Variants in FLNB observed in about 807,000 individuals in gnomAD.
The protein encoded by FLNB is filamin-B.
In FLNB, 111 loss-of-function variants were observed where a neutral mutation model predicts 250.6. The observed-to-expected ratio is 0.44, with a 90% CI of 0.38 to 0.52. FLNB has a LOEUF of 0.52. Ranked by LOEUF, FLNB falls within the 20% of genes least tolerant of loss-of-function variation. The pLI is 0.00. For missense variants in FLNB, 2,869 were observed against 3,447.8 expected, an observed-to-expected ratio of 0.83 and a Z score of 4.20; for synonymous variants, 1,302 against 1,372.1, an observed-to-expected ratio of 0.95 and a Z score of 1.13.
At position 58,108,463 on chromosome 3, in the gene FLNB, A is replaced by C. The variant is rs754014794; in HGVS notation, c.1947A>C (p.Arg649=). ...ATGGYNPDLV[R]AYGPGLEKSG... Reference sequence around the variant, plus strand: ...ACTATCTGCCTTTGCTTCAGGTTCGAGCATACGGGCCAGGTTTGGAGAAAT... The same window carrying C: ...ACTATCTGCCTTTGCTTCAGGTTCGCGCATACGGGCCAGGTTTGGAGAAAT... Residue 649 remains arginine (R), a synonymous_variant, in exon 13 of 46, where the codon CGA becomes CGC. Transcript: ENST00000295956. The C allele has an allele frequency of 1.2e-6, 2 of 1,611,188 alleles. No homozygotes were observed. Among genetic ancestry groups the C allele is most frequent in the Non-Finnish European group, 8.5e-7 (1 of 1,177,500 alleles).
Position 58,109,918 on chromosome 3 carries a change from T to C in FLNB, c.2324-92T>C, listed in dbSNP as rs867194959. On this transcript the variant is annotated intron_variant, in intron 15 of 45. Transcript: ENST00000295956. ...AGGTTTCTTACTAGAAACTTCCCAA[T>C]TGCTTTTTGAGGGTGTTAACCTGAG... 5.2e-5 allele frequency: 80 copies of C among 1,532,608 alleles called. 1 individual carries two copies. In the Middle Eastern group the frequency reaches 1.6e-3, roughly 31 times the overall value. The allele number at this position is 1,532,608 out of a possible 1,614,324, so 94.9% of individuals were successfully genotyped here.
chr3:58,113,241 A>C (rs1002714257), intron 18 of FLNB, among the ~76,000 whole-genome samples: 2 of 152,188 alleles, frequency 1.3e-5, no homozygotes, highest in Non-Finnish European at 2.9e-5. Context: ...GGGTCTGGAG[A>C]GCAGACATCC....
chr3:58,137,131 TAAG>T (rs138230624), intron 28 of FLNB, among the ~76,000 whole-genome samples: 3,299 of 152,328 alleles, frequency 0.022, 117 homozygotes, highest in African/African-American at 0.075. Flanking sequence ...TCTTTTTAAA[TAAG>T]AAGACTAAAC....
intron 1 of FLNB, among the ~76,000 whole-genome samples, chr3:58,012,476 G>C (rs1207980186): frequency 6.6e-6 from 1 of 152,172 alleles, no homozygotes; most frequent in Non-Finnish European, 1.5e-5. Context: ...TCCAGTTTCA[G>C]AGATGAGTAA....
At chr3:58,099,483 G>GGTAC (rs1346265793) in intron 8 of FLNB, among the ~76,000 whole-genome samples, 1 of 152,114 alleles carries the variant, frequency 6.6e-6, no homozygotes, top group Admixed American at 6.5e-5. Context: ...TGGCGCTGGG[G>GGTAC]GTACGCATTT....
intron 1 of FLNB, among the ~76,000 whole-genome samples, chr3:58,047,426 G>A (rs1428454019): frequency 6.6e-6 from 1 of 151,920 alleles, no homozygotes; most frequent in Non-Finnish European, 1.5e-5. Context: ...GTCCAGGCTG[G>A]TCTGGAAACC....
chr3:58,099,033 G>C, intron 8 of FLNB, 125 bp downstream of exon 8: 1 of 802,638 alleles, frequency 1.2e-6, no homozygotes, highest in Non-Finnish European at 2.2e-6. Context: ...TTCTGCCAGG[G>C]CTACTTCAGC....
At position 58,111,800 on chromosome 3, in the gene FLNB, G is replaced by A. The variant is rs114804033; in HGVS notation, c.2494G>A (p.Ala832Thr). 287 of 1,613,758 alleles carry A rather than the reference G, an allele frequency of 1.8e-4. 1 individual carries two copies. The African/African-American group carries it at 3.0e-3, about 17-fold the overall frequency. ...TGTGTCTCTGCTACAGGAAATCCCCGCCAGCCCTTTCAGAGTCAAAGTTGA... is the reference window on the plus strand; with the variant it reads ...TGTGTCTCTGCTACAGGAAATCCCCACCAGCCCTTTCAGAGTCAAAGTTGA... Reference protein sequence around the residue: ...KVLFASQEIPASPFRVKVDPS... With the variant: ...KVLFASQEIPTSPFRVKVDPS... The change falls in exon 17 of 46, where the codon GCC becomes ACC. Residue 832 changes from alanine to threonine, a missense_variant. Physicochemically the swap from Ala to Thr is moderately conservative, Grantham distance 58. Coordinates refer to ENST00000295956, the MANE Select transcript of FLNB (RefSeq NM_001457.4).
At chr3:58,155,031 A>C (rs1302947477) in intron 40 of FLNB, 103 bp downstream of exon 40, 2 of 1,175,250 alleles carry the variant, frequency 1.7e-6, no homozygotes, top group Non-Finnish European at 2.5e-6. Flanking sequence ...TGAGGAATCT[A>C]TGTGTATGGG....
At chr3:58,073,714 G>C (rs1467450819) in intron 1 of FLNB, among the ~76,000 whole-genome samples, 1 of 152,086 alleles carries the variant, frequency 6.6e-6, no homozygotes, top group African/African-American at 2.4e-5. Flanking sequence ...CTACAAGGAA[G>C]GTGCCATCTA....
At chr3:58,101,588 T>G (rs940307177) in intron 8 of FLNB, among the ~76,000 whole-genome samples, 4 of 152,204 alleles carry the variant, frequency 2.6e-5, no homozygotes, top group African/African-American at 9.7e-5. Flanking sequence ...TGCTAATTAT[T>G]GCCTTTATAG....
chr3:58,081,652 T>A lies in FLNB; in HGVS notation c.663T>A (p.Ile221=). The change falls in exon 4 of 46, where the codon ATT becomes ATA. Residue 221 remains isoleucine (I), a synonymous_variant. Transcript: ENST00000295956. ...AGGTCATCACTCCTGAAGAAATCAT[T>A]CACCCGGATGTGGACGAGCACTCAG... ...VPQVITPEEI[I]HPDVDEHSVM... is the part of the protein sequence containing the mutation. 6.2e-7 allele frequency: 1 copy of A among 1,614,118 alleles called. No homozygotes were observed. Among genetic ancestry groups the A allele is most frequent in the East Asian group, 2.2e-5 (1 of 44,886 alleles).
chr3:58,102,871 G>C (rs191627710), intron 9 of FLNB, among the ~76,000 whole-genome samples: 1 of 152,226 alleles, frequency 6.6e-6, no homozygotes, highest in Non-Finnish European at 1.5e-5. Context: ...AATGCCATTT[G>C]TGGAGGTACA....
rs1250616189 is a variant in FLNB at position 58,170,680 on chromosome 3, A to G, written c.7727A>G (p.Lys2576Arg). The G allele has an allele frequency of 1.2e-6, 2 of 1,614,050 alleles. No individual in the cohort carries two copies. The highest frequency in any genetic ancestry group is 1.7e-6 in the Non-Finnish European group (2 of 1,180,038). ...CAATACAACGTCACATACGTCGTCA[A>G]GGAGAGGGGCGATTATGTGCTGGCT... ...NQQYNVTYVV[K>R]ERGDYVLAVK... Residue 2576 changes from lysine to arginine, a missense_variant, in exon 46 of 46, where the codon AAG (lysine) becomes AGG (arginine). Physicochemically the swap from Lys to Arg is conservative, Grantham distance 26. Transcript: ENST00000295956.
chr3:58,096,751 C>T (rs751682197), intron 6 of FLNB, among the ~76,000 whole-genome samples: 6 of 152,190 alleles, frequency 3.9e-5, no homozygotes, highest in Non-Finnish European at 8.8e-5. Context: ...TCAAACTATC[C>T]TCCTGCCTCA....
chr3:58,069,109 T>C (rs1658387), intron 1 of FLNB, among the ~76,000 whole-genome samples: 9,246 of 149,750 alleles, frequency 0.062, 909 homozygotes, highest in African/African-American at 0.21. Context: ...TACCATTGTA[T>C]TCTAGCCTGG....
chr3:58,034,523 T>G (rs2097135393), intron 1 of FLNB, among the ~76,000 whole-genome samples: 1 of 152,092 alleles, frequency 6.6e-6, no homozygotes, highest in Admixed American at 6.5e-5. Flanking sequence ...CGCACTTCAT[T>G]CTAACACTCC....
In FLNB at chr3:58,106,688, A is replaced by G; in HGVS notation, c.1756A>G (p.Ile586Val). 6.2e-7 allele frequency: 1 copy of G among 1,614,130 alleles called. No individual in the cohort carries two copies. The highest frequency in any genetic ancestry group is 8.5e-7 in the Non-Finnish European group (1 of 1,179,994). Reference sequence around the variant, plus strand: ...CCACCTCCACCCCCTAGGGTTTGCCATTGAAGGCCCCTCTCAGGCAAAGAT... The same window carrying G: ...CCACCTCCACCCCCTAGGGTTTGCCGTTGAAGGCCCCTCTCAGGCAAAGAT... Reference protein sequence around the residue: ...GSEVGSLGFAIEGPSQAKIEY... With the variant: ...GSEVGSLGFAVEGPSQAKIEY... The change falls in exon 12 of 46, where the codon ATT becomes GTT. Residue 586 changes from isoleucine (I) to valine (V), a missense_variant. Physicochemically the swap from Ile to Val is conservative, Grantham distance 29. Coordinates refer to ENST00000295956, the MANE Select transcript of FLNB (RefSeq NM_001457.4).
chr3:58,084,073 T>A lies in FLNB; in HGVS notation c.787+2297T>A, dbSNP rs139236158. ...TTGGCGTGGTGGTACAAGCCTGTAGTCCCAGCTACTCGGGAGGCTGAGGCA... is the reference window on the plus strand; with the variant it reads ...TTGGCGTGGTGGTACAAGCCTGTAGACCCAGCTACTCGGGAGGCTGAGGCA... On this transcript the variant is annotated intron_variant, in intron 4 of 45. Transcript: ENST00000295956. Among the ~76,000 whole-genome samples the A allele has an allele frequency of 9.9e-3, 1,504 of 151,784 alleles. 24 individuals are homozygous for A. The highest frequency in any genetic ancestry group is 0.048 in the Middle Eastern group (14 of 290).
Sources: gnomAD v4.1 joint callset for allele counts (sites outside exome capture counted in the v4.1 genomes callset) on GRCh38, gnomAD v4.1.1 for gene constraint, MANE v1.5 for transcripts, NCBI Gene and HGNC (gene_info 2026-07-23, HGNC 2026-07-21) for gene names.